The following MYH9 variants were observed in gnomAD, a reference collection of about 807,000 sequenced individuals.
MYH9 encodes myosin heavy chain 9, also known as myosin-9.
In MYH9, 29 loss-of-function variants were observed where a neutral mutation model predicts 241.9. That is an observed-to-expected ratio of 0.12 (90% CI 0.09 to 0.16). MYH9 has a LOEUF of 0.16. Among genes scored for constraint, MYH9 ranks in the 10% least tolerant of loss-of-function variants. MYH9 has a pLI of 1.00. For missense variants in MYH9, 1,803 were observed against 2,595.5 expected (o/e 0.69, Z 6.63); for synonymous variants, 1,047 against 1,062.6 (o/e 0.99, Z 0.29).
chr22:36,299,173 G>A, intron 23 of MYH9, 131 bp from the exon 24 acceptor site: 1 of 1,290,426 alleles, frequency 7.7e-7, no homozygotes, highest in Admixed American at 1.8e-5. Flanking sequence ...AAGTTCATTA[G>A]GATTTTCCTA....
Position 36,288,279 on chromosome 22 carries a change from T to G in MYH9, c.4905A>C (p.Glu1635Asp). Reference protein sequence around the residue: ...HIDSANKNRDEAIKQLRKLQA... With the variant: ...HIDSANKNRDDAIKQLRKLQA... ...GCAGCTTCCGCAGCTGTTTGATGGC[T>G]TCGTCCCGGTTCTTGTTGGCCGAGT... The change falls in exon 34 of 41, where the codon GAA (glutamate) becomes GAC (aspartate). Residue 1635 changes from glutamate (E) to aspartate (D), a missense_variant. Around this residue, in one of 11 missense-constraint regions of MYH9, gnomAD observed 876 missense variants for 1,077.8 expected, o/e 0.81. Coordinates refer to ENST00000216181, the MANE Select transcript of MYH9 (RefSeq NM_002473.6). This position sits in a 1 kb window ranked among gnomAD's most constrained non-coding sequence, Gnocchi z 4.8. 1 of 1,614,112 alleles carries G rather than the reference T, an allele frequency of 6.2e-7. No homozygotes were observed. The highest frequency in any genetic ancestry group is 8.5e-7 in the Non-Finnish European group (1 of 1,180,010).
intron 40 of MYH9, 108 bp downstream of exon 40, chr22:36,283,985 G>C: frequency 7.3e-7 from 1 of 1,361,060 alleles, no homozygotes; most frequent in East Asian, 2.3e-5. Context: ...GCTTTGTGCA[G>C]TCCTTTCTTG....
rs10714524 is a variant in MYH9 at position 36,319,826 on chromosome 22, AC to A, written c.1013-192del. 365,515 of 670,854 alleles carry A rather than the reference AC, an allele frequency of 0.54. 105,098 individuals carry two copies. The highest frequency in any genetic ancestry group is 0.61 in the Admixed American group (28,377 of 46,300). 41.6% of individuals were successfully genotyped at this position (670,854 alleles called of 1,614,324 possible). A position where few individuals can be genotyped will look rare whatever the true frequency, so the allele number is the denominator to read the frequency against. On this transcript the variant is annotated intron_variant, in intron 9 of 40. Coordinates refer to ENST00000216181, the MANE Select transcript of MYH9 (RefSeq NM_002473.6). ...TGGGCCCAGCCACCCTAGAGGGCTC[AC>A]CCCCTCCTGGCCGACATGGCCTGTC...
chr22:36,297,520 G>A (rs923525144), intron 24 of MYH9, among the ~76,000 whole-genome samples: 5 of 152,170 alleles, frequency 3.3e-5, no homozygotes, highest in African/African-American at 9.7e-5. Context: ...GCTGTGAGGC[G>A]CCAATGAGTT....
In MYH9 at chr22:36,306,208, G is replaced by A. The variant is rs2016967107; in HGVS notation, c.2038-157C>T. On this transcript the variant is annotated intron_variant, in intron 16 of 40. Transcript: ENST00000216181. The surrounding 1 kb of genome is among the most constrained non-coding windows in gnomAD (Gnocchi z 4.1). ...CAATGAAGTCAAAGGATCCAGGTCT[G>A]GGAGGGGCCAATGCCACCAAGAGGA... Among the ~76,000 whole-genome samples, 1 of 152,238 alleles carries A rather than the reference G, an allele frequency of 6.6e-6. No individual in the cohort carries two copies. The highest frequency in any genetic ancestry group is 1.5e-5 in the Non-Finnish European group (1 of 68,042).
At chr22:36,334,592 G>A (rs2017470847) in intron 3 of MYH9, among the ~76,000 whole-genome samples, 1 of 152,180 alleles carries the variant, frequency 6.6e-6, no homozygotes, top group Non-Finnish European at 1.5e-5. Context: ...TCGGGAGAGT[G>A]TTTTTGGGGA....
intron 1 of MYH9, among the ~76,000 whole-genome samples, chr22:36,380,799 T>G (rs933592121): frequency 1.6e-4 from 25 of 151,954 alleles, no homozygotes; most frequent in African/African-American, 6.0e-4. Context: ...AGGGCCTGGG[T>G]TGGGCTTCAG....
chr22:36,350,397 C>T (rs6000247), intron 1 of MYH9, among the ~76,000 whole-genome samples: 1 of 152,108 alleles, frequency 6.6e-6, no homozygotes, highest in African/African-American at 2.4e-5. Context: ...ATTAGCAGGG[C>T]GTGGTGGCGC....
intron 1 of MYH9, among the ~76,000 whole-genome samples, chr22:36,378,956 C>T (rs56323202): frequency 0.021 from 3,135 of 151,790 alleles, 65 homozygotes; most frequent in Non-Finnish European, 0.033. Context: ...AAGCAAATCG[C>T]TTTTTCTCTA....
intron 25 of MYH9, among the ~76,000 whole-genome samples, chr22:36,296,359 T>C (rs550147646): frequency 4.6e-5 from 7 of 152,220 alleles, no homozygotes; most frequent in Admixed American, 2.6e-4. Flanking sequence ...CTCAGCCTCC[T>C]GAGTAGGTGA....
At chr22:36,357,343 A>G (rs891592089) in intron 1 of MYH9, among the ~76,000 whole-genome samples, 6 of 152,212 alleles carry the variant, frequency 3.9e-5, no homozygotes, top group African/African-American at 1.4e-4. Context: ...GCCAACGTAC[A>G]GGAAGAAGGT....
In MYH9 at chr22:36,292,596, G is replaced by C. The variant is rs536070575; in HGVS notation, c.4096-362C>G. On this transcript the variant is annotated intron_variant, in intron 30 of 40. Coordinates refer to ENST00000216181, the MANE Select transcript of MYH9 (RefSeq NM_002473.6). ...GTCCCCATCACCCAGCCCCATCCTTGCACTTGGAGATAAACCCACAATCAG... is the reference window on the plus strand; with the variant it reads ...GTCCCCATCACCCAGCCCCATCCTTCCACTTGGAGATAAACCCACAATCAG... Among the ~76,000 whole-genome samples, 39 of 152,268 alleles carry C rather than the reference G, an allele frequency of 2.6e-4. 2 individuals are homozygous for C. Among genetic ancestry groups the C allele is most frequent in the South Asian group, 2.3e-3 (11 of 4,832 alleles).
rs1256997399 is a variant in MYH9, at chr22:36,295,118, G to A, written c.3486-42C>T. The A allele has an allele frequency of 1.2e-6, 2 of 1,613,624 alleles. No individual in the cohort carries two copies. The highest frequency in any genetic ancestry group is 2.2e-5 in the South Asian group (2 of 91,080). On this transcript the variant is annotated intron_variant, in intron 26 of 40. Coordinates refer to ENST00000216181, the MANE Select transcript of MYH9 (RefSeq NM_002473.6). The surrounding 1 kb of genome is among the most constrained non-coding windows in gnomAD (Gnocchi z 4.1). ...CCTCAGAGTGGAGGCCGGGGATGCT[G>A]GAGCGAGGCTGTCCCTGGGGCTCTT... is the stretch of plus-strand genomic sequence containing the variant.
rs1375450860 is a variant in MYH9 at position 36,306,808 on chromosome 22, G to T, written c.1844-201C>A. 6.6e-6 allele frequency among the ~76,000 whole-genome samples: 1 copy of T among 152,198 alleles called. No homozygotes were observed. The highest frequency in any genetic ancestry group is 2.4e-5 in the African/African-American group (1 of 41,444). On this transcript the variant is annotated intron_variant, in intron 15 of 40. Transcript: ENST00000216181. This position sits in a 1 kb window ranked among gnomAD's most constrained non-coding sequence, Gnocchi z 4.1. Reference sequence around the variant, plus strand: ...GCGGGAAGCCAAGGGGGATGCAAAGGCACTGGGCTTGTCTCTTGGGGAGCC... The same window carrying T: ...GCGGGAAGCCAAGGGGGATGCAAAGTCACTGGGCTTGTCTCTTGGGGAGCC...
intron 3 of MYH9, chr22:36,328,873 A>G (rs997071240): frequency 4.6e-5 from 7 of 152,256 alleles, no homozygotes; most frequent in African/African-American, 1.7e-4. Flanking sequence ...TTCCACGTGC[A>G]TGGCCTCAGG....
chr22:36,293,698 G>C lies in MYH9; in HGVS notation c.3942+61C>G, dbSNP rs903092516. 1 of 1,460,740 alleles carries C rather than the reference G, an allele frequency of 6.8e-7. No homozygotes were observed. The highest frequency in any genetic ancestry group is 9.5e-7 in the Non-Finnish European group (1 of 1,048,822). The allele number at this position is 1,460,740 out of a possible 1,614,324, so 90.5% of individuals were successfully genotyped here. A position where few individuals can be genotyped will look rare whatever the true frequency, so the allele number is the denominator to read the frequency against. ...TCCGATGGGCTCTGAAGCTAATGTT[G>C]CGTGGACACAGAGGCCTTTCTGGAG... On this transcript the variant is annotated intron_variant, in intron 29 of 40. Coordinates refer to ENST00000216181, the MANE Select transcript of MYH9 (RefSeq NM_002473.6). This position sits in a 1 kb window ranked among gnomAD's most constrained non-coding sequence, Gnocchi z 5.1.
chr22:36,368,141 A>C (rs2146413453), intron 1 of MYH9, among the ~76,000 whole-genome samples: 1 of 152,082 alleles, frequency 6.6e-6, no homozygotes, highest in Non-Finnish European at 1.5e-5. Context: ...AATGTCCTGA[A>C]CCTCCCTTTC....
At chr22:36,356,748 A>G (rs1036910361) in intron 1 of MYH9, among the ~76,000 whole-genome samples, 8 of 152,226 alleles carry the variant, frequency 5.3e-5, no homozygotes, top group Non-Finnish European at 1.2e-4. Context: ...GTTTCTAATG[A>G]GGTCGCGCGG....
chr22:36,312,866 T>C (rs1414979749), intron 13 of MYH9, among the ~76,000 whole-genome samples: 1 of 151,850 alleles, frequency 6.6e-6, no homozygotes, highest in Non-Finnish European at 1.5e-5. Flanking sequence ...CCCAGCACTT[T>C]GGGAGGCCGA....
Sources: gnomAD v4.1 joint callset for allele counts (sites outside exome capture counted in the v4.1 genomes callset) on GRCh38, gnomAD v4.1.1 for gene constraint, gnomAD v4.1.1 regional missense constraint, Gnocchi (gnomAD v3.1) non-coding constraint, MANE v1.5 for transcripts, NCBI Gene and HGNC (gene_info 2026-07-23, HGNC 2026-07-21) for gene names.